CTNND2: variants seen among roughly 807,000 people sequenced by gnomAD.
CTNND2 encodes the protein catenin delta-2.
A neutral mutation model predicts 144.4 loss-of-function variants in CTNND2; 22 were observed. The observed-to-expected ratio is 0.15, with a 90% confidence interval of 0.11 to 0.22. CTNND2 has a LOEUF of 0.22. Ranked by LOEUF, CTNND2 falls within the 10% of genes least tolerant of loss-of-function variation. CTNND2 has a pLI of 1.00. For missense variants in CTNND2, 1,353 were observed against 1,618.8 expected (o/e 0.84, Z 2.82); for synonymous variants, 751 against 695.6 (o/e 1.08, Z -1.25).
intron 20 of CTNND2, among the ~76,000 whole-genome samples, chr5:10,984,506 C>T (rs2062686): frequency 0.43 from 64,744 of 152,026 alleles, 14,268 homozygotes; most frequent in African/African-American, 0.53. Context: ...GACGCTCTCA[C>T]CAGAGGAATC....
intron 12 of CTNND2, 38 bp downstream of exon 12, chr5:11,159,538 A>G (rs775381563): frequency 3.9e-6 from 6 of 1,526,112 alleles, no homozygotes; most frequent in South Asian, 1.3e-5. Context: ...TGGCCAGGGG[A>G]AGATGGTGGG....
intron 21 of CTNND2, among the ~76,000 whole-genome samples, chr5:10,981,466 C>T (rs1320899624): frequency 6.6e-6 from 1 of 152,158 alleles, no homozygotes; most frequent in African/African-American, 2.4e-5. Flanking sequence ...TGACATCTTA[C>T]AGTTGTCTAT....
intron 1 of CTNND2, among the ~76,000 whole-genome samples, chr5:11,831,915 T>C (rs767774075): frequency 1.6e-4 from 24 of 152,172 alleles, no homozygotes; most frequent in South Asian, 6.2e-4. Context: ...ATGTAAGAGT[T>C]AGGCAAAGAT....
chr5:11,469,970 C>T (rs891077094), intron 3 of CTNND2, among the ~76,000 whole-genome samples: 5 of 152,072 alleles, frequency 3.3e-5, no homozygotes, highest in Non-Finnish European at 5.9e-5. Context: ...ACAGGGCTAC[C>T]GGAGTGCATA....
At chr5:11,018,432 A>G (rs921306765) in intron 17 of CTNND2, among the ~76,000 whole-genome samples, 3 of 152,186 alleles carry the variant, frequency 2.0e-5, no homozygotes, top group African/African-American at 4.8e-5. Context: ...TTAAATCAAA[A>G]GCAAGAGATG....
chr5:11,662,199 ATATATGTATATATATACATATATGTG>A (rs1221723677), intron 2 of CTNND2, among the ~76,000 whole-genome samples: 13 of 138,534 alleles, frequency 9.4e-5, no homozygotes, highest in African/African-American at 3.8e-4. Context: ...ATATATGTGT[ATATATGTATATATATACATATATGTG>A]TATATATGTA....
intron 3 of CTNND2, among the ~76,000 whole-genome samples, chr5:11,422,824 C>T (rs1762477674): frequency 6.6e-6 from 1 of 152,040 alleles, no homozygotes. Flanking sequence ...CTTCAAAGTT[C>T]ATTGTACTTA....
At chr5:11,513,012 T>C (rs1045655033) in intron 3 of CTNND2, among the ~76,000 whole-genome samples, 20 of 152,212 alleles carry the variant, frequency 1.3e-4, no homozygotes, top group African/African-American at 4.8e-4. Context: ...CATATCTTCA[T>C]GAAGGTGGCA....
chr5:11,354,017 G>T (rs1054708090), intron 8 of CTNND2, among the ~76,000 whole-genome samples: 2 of 152,118 alleles, frequency 1.3e-5, no homozygotes, highest in African/African-American at 4.8e-5. Context: ...AGGGGACCGA[G>T]CAAACTCATC....
intron 1 of CTNND2, among the ~76,000 whole-genome samples, chr5:11,872,434 T>C (rs1457807483): frequency 3.9e-5 from 6 of 152,192 alleles, no homozygotes; most frequent in African/African-American, 1.4e-4. Context: ...GTATTTCTGC[T>C]TCTAGATCCT....
chr5:11,253,825 C>T (rs1395577456), intron 9 of CTNND2, among the ~76,000 whole-genome samples: 1 of 152,150 alleles, frequency 6.6e-6, no homozygotes, highest in East Asian at 1.9e-4. Context: ...CTTAAATCTC[C>T]CAAAAGGGAG....
chr5:11,186,518 G>A (rs933058627), intron 11 of CTNND2, among the ~76,000 whole-genome samples: 1 of 152,074 alleles, frequency 6.6e-6, no homozygotes, highest in African/African-American at 2.4e-5. Context: ...GTGATAAACG[G>A]GCCATATATT....
chr5:11,821,033 T>C (rs1002340505), intron 1 of CTNND2, among the ~76,000 whole-genome samples: 2 of 152,232 alleles, frequency 1.3e-5, no homozygotes, highest in African/African-American at 4.8e-5. Flanking sequence ...TGAAACATCA[T>C]ATCTTTAATT....
intron 1 of CTNND2, among the ~76,000 whole-genome samples, chr5:11,795,373 T>A (rs1400123368): frequency 6.6e-6 from 1 of 152,152 alleles, no homozygotes; most frequent in Non-Finnish European, 1.5e-5. Flanking sequence ...AGATTTAACA[T>A]GGTTTAAGGA....
chr5:11,852,786 A>G (rs1795077667), intron 1 of CTNND2, among the ~76,000 whole-genome samples: 1 of 152,228 alleles, frequency 6.6e-6, no homozygotes, highest in Admixed American at 6.5e-5. Context: ...ACTTGTTCAT[A>G]GAAGACCCAA....
chr5:11,130,809 G>A lies in CTNND2; in HGVS notation c.2160-13242C>T, dbSNP rs188927856. Among the ~76,000 whole-genome samples the A allele has an allele frequency of 5.9e-5, 9 of 152,176 alleles. No homozygotes were observed. The South Asian group carries it at 8.3e-4, about 14-fold the overall frequency. On this transcript the variant is annotated intron_variant, in intron 12 of 21. Coordinates refer to ENST00000304623, the MANE Select transcript of CTNND2 (RefSeq NM_001332.4). ...TGGTCCATCCCCCGGGTCAGTGCCC[G>A]CCCTCCCTGTATTCTACCAACTCCC...
chr5:11,535,288 C>G (rs1466308754), intron 3 of CTNND2, among the ~76,000 whole-genome samples: 3 of 151,986 alleles, frequency 2.0e-5, no homozygotes, highest in Admixed American at 2.0e-4. Context: ...TCTCACTCTA[C>G]ACAAATATAC....
At chr5:11,485,111 A>G (rs1323182277) in intron 3 of CTNND2, among the ~76,000 whole-genome samples, 5 of 152,230 alleles carry the variant, frequency 3.3e-5, no homozygotes, top group African/African-American at 7.2e-5. Context: ...CTGGCAAAAA[A>G]TGTACAACAT....
At chr5:11,716,602 C>T (rs1581766097) in intron 2 of CTNND2, among the ~76,000 whole-genome samples, 1 of 152,264 alleles carries the variant, frequency 6.6e-6, no homozygotes, top group East Asian at 1.9e-4. Flanking sequence ...TTTAATCATT[C>T]ATTCATTTAA....
Sources: gnomAD v4.1 joint callset for allele counts (sites outside exome capture counted in the v4.1 genomes callset) on GRCh38, gnomAD v4.1.1 for gene constraint, MANE v1.5 for transcripts, NCBI Gene and HGNC (gene_info 2026-07-23, HGNC 2026-07-21) for gene names.